The following PLXNA2 variants were observed in gnomAD, a reference collection of about 807,000 sequenced individuals.
PLXNA2 encodes plexin A2.
In PLXNA2, 91 loss-of-function variants were observed where a neutral mutation model predicts 193.5. The observed-to-expected ratio is 0.47, with a 90% CI of 0.40 to 0.56. The LOEUF is 0.56. PLXNA2 is among the 20% of genes least tolerant of loss of function. The pLI, the probability that PLXNA2 is intolerant of heterozygous loss-of-function variation, is 0.00. For synonymous variants in PLXNA2, 997 were observed against 1,027.3 expected (o/e 0.97, Z 0.56); for missense variants, 1,995 against 2,503.2 (o/e 0.80, Z 4.33).
chr1:208,242,437 C>A (rs1672088793), intron 1 of PLXNA2, among the ~76,000 whole-genome samples: 1 of 152,168 alleles, frequency 6.6e-6, no homozygotes, highest in Non-Finnish European at 1.5e-5. Flanking sequence ...GTGGGTTCTT[C>A]CAAACTGATG....
chr1:208,225,582 G>C (rs923453158), intron 1 of PLXNA2, among the ~76,000 whole-genome samples: 1 of 152,168 alleles, frequency 6.6e-6, no homozygotes, highest in Non-Finnish European at 1.5e-5. Context: ...CAAAATGCTG[G>C]GATTACAGGC....
rs765926049 is a variant in PLXNA2, at chr1:208,043,097, C to T, written c.3981G>A (p.Pro1327=). ...YRTYAMRVLF[P]GIEDHPVLRE... ...GCAGGACGGGGTGGTCCTCGATGCC[C>T]GGGAACAGGACTCGCATAGCGTAGG... Residue 1327 remains proline (P), a synonymous_variant, in exon 21 of 32, where the codon CCG becomes CCA. Transcript: ENST00000367033. 1.9e-5 allele frequency: 31 copies of T among 1,613,898 alleles called. No homozygotes were observed. The highest frequency in any genetic ancestry group is 3.3e-5 in the Admixed American group (2 of 60,002).
chr1:208,051,344 C>T lies in PLXNA2; in HGVS notation c.3073G>A (p.Asp1025Asn), dbSNP rs1427495366. 6 of 1,613,396 alleles carry T rather than the reference C, an allele frequency of 3.7e-6. No individual in the cohort carries two copies. Among genetic ancestry groups the T allele is most frequent in the Admixed American group, 1.7e-5 (1 of 59,874 alleles). ...LGPVPVSVSV[D>N]RAHVDSNLQF... The stretch of plus-strand genomic sequence containing the variant: ...AGGTTGCTATCCACATGGGCTCGGT[C>T]GACACTCACAGAAACAGGGACCGGG... The change falls in exon 16 of 32, where the codon GAC becomes AAC. Residue 1025 changes from aspartate (D) to asparagine (N), a missense_variant. By Grantham distance (23) the Asp-to-Asn change is conservative. Coordinates refer to ENST00000367033, the MANE Select transcript of PLXNA2 (RefSeq NM_025179.4).
intron 6 of PLXNA2, 84 bp downstream of exon 6, chr1:208,098,762 A>G (rs2102411766): frequency 2.0e-6 from 3 of 1,470,248 alleles, no homozygotes; most frequent in Non-Finnish European, 1.9e-6. Flanking sequence ...ATTTACAGAT[A>G]CTTGTGCAAG....
rs577510815 is a variant in PLXNA2 at position 208,028,901 on chromosome 1, C to T, written c.5367G>A (p.Leu1789=). 45 of 1,614,142 alleles carry T rather than the reference C, an allele frequency of 2.8e-5. 1 individual carries two copies. In the South Asian group the frequency reaches 3.2e-4, roughly 11 times the overall value. The change falls in exon 30 of 32, where the codon CTG becomes CTA. Residue 1789 remains leucine (L), a synonymous_variant. Transcript: ENST00000367033. This position sits in a 1 kb window ranked among gnomAD's most constrained non-coding sequence, Gnocchi z 4.2. ...MDSCSTSEHR[L]GKDSPSNKLL... ...GCTTGTTGGAGGGGGAGTCCTTGCC[C>T]AGCCGGTGCTCTGACGTTGAACAAG...
intron 5 of PLXNA2, 68 bp from the exon 6 acceptor site, chr1:208,099,037 T>C: frequency 6.3e-7 from 1 of 1,576,888 alleles, no homozygotes; most frequent in Non-Finnish European, 8.6e-7. Context: ...CATTGTCCCC[T>C]GGGCAGGATG....
At chr1:208,152,604 T>A (rs572262589) in intron 3 of PLXNA2, among the ~76,000 whole-genome samples, 4 of 151,836 alleles carry the variant, frequency 2.6e-5, no homozygotes, top group African/African-American at 9.7e-5. Context: ...TTTTTTATGA[T>A]GAACATACAC....
intron 1 of PLXNA2, among the ~76,000 whole-genome samples, chr1:208,239,212 C>T (rs998582621): frequency 2.0e-5 from 3 of 151,854 alleles, no homozygotes; most frequent in East Asian, 3.9e-4. Flanking sequence ...TTTCAAGAGT[C>T]CCCTCTAGTG....
At chr1:208,106,284 C>T (rs920624251) in intron 4 of PLXNA2, among the ~76,000 whole-genome samples, 2 of 152,144 alleles carry the variant, frequency 1.3e-5, no homozygotes, top group African/African-American at 2.4e-5. Flanking sequence ...CTCTTATATT[C>T]ATGTGCTTCT....
At chr1:208,064,874 C>T (rs915732859) in intron 12 of PLXNA2, among the ~76,000 whole-genome samples, 2 of 152,136 alleles carry the variant, frequency 1.3e-5, no homozygotes, top group Non-Finnish European at 2.9e-5. Flanking sequence ...TCCCCCGACC[C>T]CCACCAGCCC....
intron 3 of PLXNA2, among the ~76,000 whole-genome samples, chr1:208,198,678 G>A (rs1332051539): frequency 6.6e-6 from 1 of 152,148 alleles, no homozygotes; most frequent in Non-Finnish European, 1.5e-5. Context: ...CACTCAAAAG[G>A]GTGCAAAGAG....
chr1:208,149,370 T>C (rs1282693130), intron 3 of PLXNA2, among the ~76,000 whole-genome samples: 1 of 151,942 alleles, frequency 6.6e-6, no homozygotes, highest in African/African-American at 2.4e-5. Flanking sequence ...GTGGTGTGTG[T>C]ATATGTGGTA....
At chr1:208,040,500 G>T (rs1664829346) in intron 22 of PLXNA2, among the ~76,000 whole-genome samples, 1 of 152,152 alleles carries the variant, frequency 6.6e-6, no homozygotes, top group Admixed American at 6.5e-5. Flanking sequence ...GAAGGTGCCT[G>T]GTCCCTTCCC....
intron 3 of PLXNA2, among the ~76,000 whole-genome samples, chr1:208,186,207 T>C (rs937636571): frequency 6.6e-6 from 1 of 152,218 alleles, no homozygotes; most frequent in South Asian, 2.1e-4. Context: ...CATTAAAGGC[T>C]TGGGTAGGTG....
At chr1:208,105,457 C>G (rs777462094) in intron 4 of PLXNA2, among the ~76,000 whole-genome samples, 5 of 152,220 alleles carry the variant, frequency 3.3e-5, no homozygotes, top group Non-Finnish European at 7.3e-5. Flanking sequence ...CCAATTCTGA[C>G]ATTCCAGCCT....
rs539660048 is a variant in PLXNA2 at position 208,114,883 on chromosome 1, C to A, written c.1507-11636G>T. Among the ~76,000 whole-genome samples, 453 of 152,210 alleles carry A rather than the reference C, an allele frequency of 3.0e-3. 4 individuals carry two copies. Among genetic ancestry groups the A allele is most frequent in the African/African-American group, 0.01 (433 of 41,540 alleles). On this transcript the variant is annotated intron_variant, in intron 4 of 31. Transcript: ENST00000367033. Reference sequence around the variant, plus strand: ...GAGAGGGAAGGAAGGATAGAGGGAGCGGGAGGGAGATGGAGGATAAGAATA... The same window carrying A: ...GAGAGGGAAGGAAGGATAGAGGGAGAGGGAGGGAGATGGAGGATAAGAATA...
intron 26 of PLXNA2, 98 bp from the exon 27 acceptor site, chr1:208,034,690 G>T: frequency 1.4e-6 from 1 of 727,402 alleles, no homozygotes; most frequent in East Asian, 2.7e-5. Context: ...GATAGCTGTG[G>T]GGTAGAGAGC....
chr1:208,200,998 T>G (rs1327284795), intron 3 of PLXNA2, among the ~76,000 whole-genome samples: 1 of 152,124 alleles, frequency 6.6e-6, no homozygotes, highest in Admixed American at 6.5e-5. Context: ...AACATGGTAA[T>G]AGTACAGGAG....
At chr1:208,027,453 A>T in intron 31 of PLXNA2, 115 bp from the exon 32 acceptor site, 1 of 680,738 alleles carries the variant, frequency 1.5e-6, no homozygotes, top group Non-Finnish European at 2.5e-6. Context: ...CTTCATGCAC[A>T]TAACCTTAAA....
Sources: allele counts gnomAD v4.1 joint callset (sites outside exome capture counted in the v4.1 genomes callset), GRCh38; gene constraint gnomAD v4.1.1; non-coding constraint Gnocchi (gnomAD v3.1); transcripts MANE v1.5; gene names NCBI Gene and HGNC (gene_info 2026-07-23, HGNC 2026-07-21).